The following CACNB4 variants were observed in gnomAD, a reference collection of about 807,000 sequenced individuals.
CACNB4 encodes calcium voltage-gated channel auxiliary subunit beta 4.
In CACNB4, 32 loss-of-function variants were observed where a neutral mutation model predicts 71.2. That is an observed-to-expected ratio of 0.45 (90% CI 0.34 to 0.60). CACNB4 has a LOEUF of 0.60. Among genes scored for constraint, CACNB4 ranks in the 20% least tolerant of loss-of-function variants. The pLI, the probability that CACNB4 is intolerant of heterozygous loss-of-function variation, is 0.01. For synonymous variants in CACNB4, 231 were observed against 236.9 expected, an observed-to-expected ratio of 0.97 and a Z score of 0.23; for missense variants, 464 against 647.9, an observed-to-expected ratio of 0.72 and a Z score of 3.08.
intron 2 of CACNB4, among the ~76,000 whole-genome samples, chr2:152,058,769 A>T (rs1173962551): frequency 6.6e-6 from 1 of 152,256 alleles, no homozygotes; most frequent in African/African-American, 2.4e-5. Flanking sequence ...TATCAACAGA[A>T]TGTGGAAAAT....
chr2:151,952,680 A>G (rs2099867217), intron 2 of CACNB4, among the ~76,000 whole-genome samples: 1 of 152,234 alleles, frequency 6.6e-6, no homozygotes, highest in Non-Finnish European at 1.5e-5. Flanking sequence ...CCAGAAGGAA[A>G]CAGGAGCGAA....
At position 151,869,425 on chromosome 2, in the gene CACNB4, C is replaced by G; in HGVS notation, c.700-190G>C. 7.5e-6 allele frequency: 4 copies of G among 532,718 alleles called. No homozygotes were observed. In the South Asian group the frequency reaches 1.1e-4, roughly 15 times the overall value. 33.0% of individuals were successfully genotyped at this position (532,718 alleles called of 1,614,324 possible). On this transcript the variant is annotated intron_variant, in intron 8 of 13. Coordinates refer to ENST00000539935, the MANE Select transcript of CACNB4 (RefSeq NM_000726.5). The stretch of plus-strand genomic sequence containing the variant: ...CCATGTGCAATTGCTAATTTCCACC[C>G]CCCTTGGTTCTCCTCCAGGGTGTTG...
chr2:151,855,256 T>C lies in CACNB4; in HGVS notation c.988A>G (p.Ile330Val), dbSNP rs751029383. 1.7e-5 allele frequency: 26 copies of C among 1,547,894 alleles called. No individual in the cohort carries two copies. The highest frequency in any genetic ancestry group is 2.3e-5 in the Non-Finnish European group (26 of 1,132,020). ...GATGAGACTTTTACATGAACAATAATTGGTGCTAAGGAAGTCTTTATAAGT... is the reference window on the plus strand; with the variant it reads ...GATGAGACTTTTACATGAACAATAACTGGTGCTAAGGAAGTCTTTATAAGT... ...AQLIKTSLAP[I>V]IVHVKVSSPK... Residue 330 changes from isoleucine to valine, a missense_variant, in exon 11 of 14, where the codon ATT becomes GTT. This residue lies in a region of CACNB4 where 299 missense variants were observed against 471.7 expected (regional missense o/e 0.63). Transcript: ENST00000539935.
At chr2:151,913,541 G>A (rs931077120) in intron 2 of CACNB4, among the ~76,000 whole-genome samples, 1 of 152,130 alleles carries the variant, frequency 6.6e-6, no homozygotes, top group Non-Finnish European at 1.5e-5. Context: ...AGAGGAGGGT[G>A]GATCATGAGG....
chr2:151,876,339 T>C, intron 5 of CACNB4, 87 bp downstream of exon 5: 2 of 1,138,428 alleles, frequency 1.8e-6, no homozygotes, highest in South Asian at 1.8e-5. Flanking sequence ...CACAGAAAAG[T>C]ATCTTCTACT....
chr2:151,869,264 G>A, intron 8 of CACNB4, 29 bp from the exon 9 acceptor site: 1 of 1,386,192 alleles, frequency 7.2e-7, no homozygotes, highest in Non-Finnish European at 1.0e-6. Context: ...AAAAGAATGA[G>A]GCAAACACAT....
intron 2 of CACNB4, among the ~76,000 whole-genome samples, chr2:152,014,489 G>A (rs1033295309): frequency 6.6e-6 from 1 of 151,902 alleles, no homozygotes; most frequent in Non-Finnish European, 1.5e-5. Context: ...CTAGCACTTT[G>A]GGAGGCTGAG....
At chr2:151,909,129 T>A (rs1275724511) in intron 2 of CACNB4, among the ~76,000 whole-genome samples, 1 of 148,246 alleles carries the variant, frequency 6.7e-6, no homozygotes, top group East Asian at 1.9e-4. Flanking sequence ...TATAATTTCT[T>A]CTTTAAAAAA....
intron 2 of CACNB4, among the ~76,000 whole-genome samples, chr2:152,034,082 C>T (rs903086078): frequency 2.0e-5 from 3 of 152,190 alleles, no homozygotes; most frequent in African/African-American, 7.2e-5. Context: ...TTCTCCCTCA[C>T]TAACAGGCAG....
chr2:151,900,518 GA>G (rs1009021864), intron 2 of CACNB4, among the ~76,000 whole-genome samples: 1 of 152,216 alleles, frequency 6.6e-6, no homozygotes, highest in Non-Finnish European at 1.5e-5. Context: ...CGGGGAATGA[GA>G]AGTTCAGAGG....
chr2:151,917,814 G>A lies in CACNB4; in HGVS notation c.148-34444C>T, dbSNP rs576789146. ...TGCACCACTGCACTCCAGCCTAGGC[G>A]ACAAAGTGAGACACTGTCTCAAAAA... On this transcript the variant is annotated intron_variant, in intron 2 of 13. Transcript: ENST00000539935. 3.3e-4 allele frequency among the ~76,000 whole-genome samples: 39 copies of A among 119,956 alleles called. 1 individual carries two copies. Among genetic ancestry groups the A allele is most frequent in the East Asian group, 7.9e-4 (3 of 3,774 alleles). 78.7% of individuals were successfully genotyped at this position (119,956 alleles called of 152,430 possible).
chr2:151,889,679 C>T (rs1578658640), intron 2 of CACNB4, among the ~76,000 whole-genome samples: 1 of 152,128 alleles, frequency 6.6e-6, no homozygotes, highest in East Asian at 1.9e-4. Flanking sequence ...AACTCACTCA[C>T]AAGGTTGTCA....
chr2:152,066,611 A>G (rs996579910), intron 2 of CACNB4, among the ~76,000 whole-genome samples: 15 of 149,872 alleles, frequency 1.0e-4, no homozygotes, highest in African/African-American at 3.6e-4. Context: ...CTAGAACTAG[A>G]AATACCATTT....
chr2:151,955,668 G>A (rs113226732), intron 2 of CACNB4, among the ~76,000 whole-genome samples: 4,085 of 152,232 alleles, frequency 0.027, 80 homozygotes, highest in Non-Finnish European at 0.037. Flanking sequence ...TGAGGCGGGA[G>A]GCTGAGGTGG....
At position 151,865,867 on chromosome 2, in the gene CACNB4, C is replaced by T. The variant is rs565176134; in HGVS notation, c.758+3310G>A. ...ATGGCATGATCTTGGCTCACCGCAACCTCTGCCTCCCAGGTTCAAGTGATT... is the reference window on the plus strand; with the variant it reads ...ATGGCATGATCTTGGCTCACCGCAATCTCTGCCTCCCAGGTTCAAGTGATT... On this transcript the variant is annotated intron_variant, in intron 9 of 13. Transcript: ENST00000539935. 3 of 151,718 alleles carry T rather than the reference C, an allele frequency of 2.0e-5. No homozygotes were observed. The East Asian group carries it at 5.8e-4, about 29-fold the overall frequency. The allele number at this position is 151,718 out of a possible 1,614,324, so 9.4% of individuals were successfully genotyped here. A position where few individuals can be genotyped will look rare whatever the true frequency, so the allele number is the denominator to read the frequency against.
At chr2:152,011,490 T>C (rs1683054927) in intron 2 of CACNB4, among the ~76,000 whole-genome samples, 1 of 152,218 alleles carries the variant, frequency 6.6e-6, no homozygotes, top group South Asian at 2.1e-4. Flanking sequence ...CCCCTGACCC[T>C]GAGCCAAATT....
At chr2:152,047,621 C>T (rs1052842191) in intron 2 of CACNB4, among the ~76,000 whole-genome samples, 6 of 152,180 alleles carry the variant, frequency 3.9e-5, no homozygotes, top group Non-Finnish European at 5.9e-5. Context: ...TAGCCAGGCA[C>T]GGTGGCTCAC....
chr2:151,934,451 G>A (rs547291128), intron 2 of CACNB4, among the ~76,000 whole-genome samples: 4 of 152,268 alleles, frequency 2.6e-5, no homozygotes, highest in Admixed American at 6.5e-5. Flanking sequence ...GCATTGTCTC[G>A]TTCATCTCAT....
At chr2:151,908,736 C>A (rs1042290825) in intron 2 of CACNB4, among the ~76,000 whole-genome samples, 6 of 152,104 alleles carry the variant, frequency 3.9e-5, no homozygotes, top group Non-Finnish European at 4.4e-5. Context: ...AGAAAACATG[C>A]CTTGCTGCAG....
Sources: allele counts gnomAD v4.1 joint callset (sites outside exome capture counted in the v4.1 genomes callset), GRCh38; gene constraint gnomAD v4.1.1; regional missense constraint gnomAD v4.1.1; transcripts MANE v1.5; gene names NCBI Gene and HGNC (gene_info 2026-07-23, HGNC 2026-07-21).